The following PCSK1 variants were observed in gnomAD, a reference collection of about 807,000 sequenced individuals.
The protein encoded by PCSK1 is proprotein convertase subtilisin/kexin type 1, also known as neuroendocrine convertase 1.
In PCSK1, 56 loss-of-function variants were observed where a neutral mutation model predicts 90.6. The observed-to-expected ratio is 0.62, with a 90% CI of 0.50 to 0.77. The LOEUF is 0.77. PCSK1 is among the 30% of genes least tolerant of loss of function. The pLI is 0.00. For missense variants in PCSK1, 801 were observed against 932.6 expected, an observed-to-expected ratio of 0.86 and a Z score of 1.84; for synonymous variants, 348 against 342.4, an observed-to-expected ratio of 1.02 and a Z score of -0.18.
chr5:96,408,696 T>C (rs906991149), intron 8 of PCSK1, among the ~76,000 whole-genome samples: 1 of 152,230 alleles, frequency 6.6e-6, no homozygotes, highest in Admixed American at 6.5e-5. Context: ...GTCTGGCATA[T>C]TTAGAAATTC....
At chr5:96,409,980 C>T (rs1760699543) in intron 8 of PCSK1, among the ~76,000 whole-genome samples, 1 of 152,134 alleles carries the variant, frequency 6.6e-6, no homozygotes, top group South Asian at 2.1e-4. Flanking sequence ...GTTCACCCAC[C>T]CTCTAATTAG....
chr5:96,419,310 G>T lies in PCSK1; in HGVS notation c.620+2570C>A, dbSNP rs189236340. ...TTATATGTATATATATATTAAGTGA[G>T]ATATATATATATATATAAAACCTCA... On this transcript the variant is annotated intron_variant, in intron 5 of 13. Transcript: ENST00000311106. Among the ~76,000 whole-genome samples, 93 of 142,194 alleles carry T rather than the reference G, an allele frequency of 6.5e-4. 1 individual carries two copies. The highest frequency in any genetic ancestry group is 3.9e-3 in the Middle Eastern group (1 of 256). 93.3% of individuals were successfully genotyped at this position (142,194 alleles called of 152,430 possible).
At chr5:96,412,881 A>G (rs1336847765) in intron 6 of PCSK1, 2 of 751,384 alleles carry the variant, frequency 2.7e-6, no homozygotes, top group African/African-American at 4.0e-5. Context: ...GTCAATTACA[A>G]AATGTTTGCC....
At position 96,419,641 on chromosome 5, in the gene PCSK1, C is replaced by G. The variant is rs566010430; in HGVS notation, c.620+2239G>C. On this transcript the variant is annotated intron_variant, in intron 5 of 13. Transcript: ENST00000311106. ...TAACTGTTGGGCTATGACATGCTCT[C>G]TCAATGCTGTGTGGAAGATTCACAG... Among the ~76,000 whole-genome samples the G allele has an allele frequency of 1.5e-4, 23 of 151,968 alleles. No individual in the cohort carries two copies. The East Asian group carries it at 3.9e-3, about 26-fold the overall frequency.
At chr5:96,410,644 T>C in intron 8 of PCSK1, 130 bp downstream of exon 8, 1 of 786,372 alleles carries the variant, frequency 1.3e-6, no homozygotes. Context: ...AGTGAGTAAG[T>C]GTGAGTTCTC....
intron 9 of PCSK1, among the ~76,000 whole-genome samples, chr5:96,404,722 G>T (rs1405133548): frequency 3.9e-5 from 6 of 152,184 alleles, no homozygotes; most frequent in Non-Finnish European, 8.8e-5. Flanking sequence ...GTTGCTGATA[G>T]CACAGACTTT....
intron 1 of PCSK1, among the ~76,000 whole-genome samples, chr5:96,430,338 C>T (rs553615505): frequency 2.0e-5 from 3 of 152,298 alleles, no homozygotes; most frequent in South Asian, 2.1e-4. Context: ...AAACAGTTGA[C>T]AACAGTATAT....
chr5:96,432,375 A>G (rs1442447460), intron 1 of PCSK1, among the ~76,000 whole-genome samples: 3 of 152,154 alleles, frequency 2.0e-5, no homozygotes, highest in Admixed American at 1.3e-4. Context: ...GCCAGGGCGG[A>G]CAGCCCCAAG....
chr5:96,399,183 G>T (rs1760266046), intron 10 of PCSK1, 147 bp from the exon 11 acceptor site: 2 of 652,244 alleles, frequency 3.1e-6, no homozygotes, highest in Non-Finnish European at 5.4e-6. Flanking sequence ...TCAGAATTAT[G>T]TATACATGAA....
At position 96,421,916 on chromosome 5, in the gene PCSK1, T is replaced by G; in HGVS notation, c.584A>C (p.Asp195Ala). ...TGTGGGATCATATCGGGGAAATGGA[T>G]CATGGTCATTATCATTAAAATCATA... Reference protein sequence around the residue: ...ASYDFNDNDHDPFPRYDPTNE... With the variant: ...ASYDFNDNDHAPFPRYDPTNE... Residue 195 changes from aspartate (D) to alanine (A), a missense_variant, in exon 5 of 14, where the codon GAT (aspartate) becomes GCT (alanine). Physicochemically the swap from Asp to Ala is moderately radical, Grantham distance 126. Coordinates refer to ENST00000311106, the MANE Select transcript of PCSK1 (RefSeq NM_000439.5). 1.9e-6 allele frequency: 3 copies of G among 1,586,558 alleles called. No homozygotes were observed. The highest frequency in any genetic ancestry group is 2.6e-6 in the Non-Finnish European group (3 of 1,159,128).
intron 10 of PCSK1, among the ~76,000 whole-genome samples, chr5:96,399,530 A>G (rs2112397949): frequency 6.6e-6 from 1 of 152,360 alleles, no homozygotes; most frequent in Non-Finnish European, 1.5e-5. Context: ...CATGAATCAC[A>G]CAGCACTGTG....
intron 1 of PCSK1, chr5:96,432,037 G>T: frequency 7.3e-7 from 1 of 1,371,314 alleles, no homozygotes; most frequent in Non-Finnish European, 1.0e-6. Context: ...GCCTTCACTT[G>T]GACAGGCAAC....
Position 96,416,188 on chromosome 5 carries a change from A to G in PCSK1, c.621-67T>C, listed in dbSNP as rs150778225. 23 of 1,051,198 alleles carry G rather than the reference A, an allele frequency of 2.2e-5. No homozygotes were observed. In the African/African-American group the frequency reaches 3.1e-4, roughly 14 times the overall value. 65.1% of individuals were successfully genotyped at this position (1,051,198 alleles called of 1,614,324 possible). ...CAAACATTTGTTTTGCATATGAATG[A>G]ATTAATGGGGCATAGGTATATTAAC... On this transcript the variant is annotated intron_variant, in intron 5 of 13. Coordinates refer to ENST00000311106, the MANE Select transcript of PCSK1 (RefSeq NM_000439.5).
At chr5:96,423,495 A>G in intron 3 of PCSK1, 36 bp from the exon 4 acceptor site, 2 of 1,608,476 alleles carry the variant, frequency 1.2e-6, no homozygotes, top group Non-Finnish European at 1.7e-6. Flanking sequence ...TGATAAAATT[A>G]TCATTTGCTT....
In PCSK1 at chr5:96,412,298, G is replaced by T; in HGVS notation, c.882+20C>A. 1 of 1,605,744 alleles carries T rather than the reference G, an allele frequency of 6.2e-7. No individual in the cohort carries two copies. Among genetic ancestry groups the T allele is most frequent in the South Asian group, 1.1e-5 (1 of 90,908 alleles). ...GATGGTCAGGTTTCATTTCATGTGG[G>T]TCTGTGTAAAGCATCTTACCTGTTT... is the stretch of plus-strand genomic sequence containing the variant. On this transcript the variant is annotated intron_variant, in intron 7 of 13. Coordinates refer to ENST00000311106, the MANE Select transcript of PCSK1 (RefSeq NM_000439.5).
At chr5:96,412,834 C>T in intron 6 of PCSK1, 1 of 456,222 alleles carries the variant, frequency 2.2e-6, no homozygotes, top group Non-Finnish European at 3.0e-6. Context: ...TGAAGTGGAG[C>T]AGCATCCTTG....
intron 9 of PCSK1, among the ~76,000 whole-genome samples, chr5:96,403,624 A>ATTCC (rs1429787389): frequency 2.6e-5 from 4 of 152,232 alleles, no homozygotes; most frequent in African/African-American, 9.6e-5. Context: ...ATGTTTACAG[A>ATTCC]AAATAAGGGT....
intron 6 of PCSK1, 103 bp from the exon 7 acceptor site, chr5:96,412,593 G>T: frequency 9.0e-7 from 1 of 1,112,146 alleles, no homozygotes; most frequent in Non-Finnish European, 1.3e-6. Context: ...GATTTTAAGA[G>T]TCAAAAACCA....
intron 2 of PCSK1, 33 bp downstream of exon 2, chr5:96,429,180 G>A (rs781163175): frequency 2.9e-6 from 3 of 1,043,000 alleles, no homozygotes; most frequent in Non-Finnish European, 3.0e-6. Flanking sequence ...ATAAGCTAGA[G>A]TATTGGTTTG....
Sources: allele counts gnomAD v4.1 joint callset (sites outside exome capture counted in the v4.1 genomes callset), GRCh38; gene constraint gnomAD v4.1.1; transcripts MANE v1.5; gene names NCBI Gene and HGNC (gene_info 2026-07-23, HGNC 2026-07-21).